Variants in MROH2B observed in about 807,000 individuals in gnomAD.
The protein encoded by MROH2B is maestro heat like repeat family member 2B, also known as maestro heat-like repeat-containing protein family member 2B.
A neutral mutation model predicts 208.6 loss-of-function variants in MROH2B; 177 were observed. The ratio of observed to expected loss-of-function variants is 0.85; its 90% CI spans 0.75 to 0.96. The LOEUF (loss-of-function observed/expected upper bound fraction) is 0.96, where lower values mean the gene tolerates loss of function less well. Among genes scored for constraint, MROH2B ranks in the 40% least tolerant of loss-of-function variants. MROH2B has a pLI of 0.00. For synonymous variants in MROH2B, 728 were observed against 659.0 expected (o/e 1.10, Z -1.60); for missense variants, 2,002 against 1,878.7 (o/e 1.07, Z -1.21).
chr5:41,015,600 G>T, intron 28 of MROH2B, 122 bp from the exon 29 acceptor site: 1 of 779,932 alleles, frequency 1.3e-6, no homozygotes, highest in African/African-American at 1.7e-5. Context: ...GAACATAAGC[G>T]CTAACACATA....
At chr5:41,028,130 A>G (rs1046894955) in intron 24 of MROH2B, among the ~76,000 whole-genome samples, 13 of 152,220 alleles carry the variant, frequency 8.5e-5, no homozygotes, top group Non-Finnish European at 1.8e-4. Flanking sequence ...TGGGATATGT[A>G]TACGTATGTA....
In MROH2B at chr5:41,025,871, G is replaced by T. The variant is rs936165955; in HGVS notation, c.2442-6853C>A. ...GTGGGCTTCATCCCAGGGATGCAAGGCTGGTTCAACATACACATATCAATA... is the reference window on the plus strand; with the variant it reads ...GTGGGCTTCATCCCAGGGATGCAAGTCTGGTTCAACATACACATATCAATA... On this transcript the variant is annotated intron_variant, in intron 24 of 41. Transcript: ENST00000399564. Among the ~76,000 whole-genome samples the T allele has an allele frequency of 3.9e-5, 6 of 152,292 alleles. No homozygotes were observed. The East Asian group carries it at 7.7e-4, about 20-fold the overall frequency.
Position 41,065,487 on chromosome 5 carries a change from G to C in MROH2B, c.205C>G (p.Leu69Val), listed in dbSNP as rs752755291. Residue 69 changes from leucine to valine, a missense_variant, in exon 4 of 42, where the codon CTC (leucine) becomes GTC (valine). By Grantham distance (32) the Leu-to-Val change is conservative. Transcript: ENST00000399564. ...ASKDMRDNNM[L>V]REIRMLAGEV... ...CCAGCTAGCATTCTGATTTCTCTGA[G>C]CATCTGAGGAGGAAAAGAAAAATAA... 1.2e-5 allele frequency: 19 copies of C among 1,612,042 alleles called. No individual in the cohort carries two copies. The South Asian group carries it at 2.1e-4, about 18-fold the overall frequency.
chr5:41,000,636 T>C, intron 38 of MROH2B, 42 bp downstream of exon 38: 2 of 1,577,136 alleles, frequency 1.3e-6, no homozygotes, highest in East Asian at 2.2e-5. Flanking sequence ...TTCTCAGCCA[T>C]GGGGAGAGCA....
chr5:41,012,651 A>G lies in MROH2B; in HGVS notation c.3067T>C (p.Cys1023Arg). The change falls in exon 30 of 42, where the codon TGT becomes CGT. Residue 1023 changes from cysteine to arginine, a missense_variant. By Grantham distance (180) the Cys-to-Arg change is radical. Coordinates refer to ENST00000399564, the MANE Select transcript of MROH2B (RefSeq NM_173489.5). Reference protein sequence around the residue: ...LDGLESLNPTCTKACGIWMIT... With the variant: ...LDGLESLNPTRTKACGIWMIT... ...ATCCATATGCCACAGGCCTTTGTAC[A>G]AGTGGGGTTGAGGCTCTCCAGACCG... 1 of 1,613,908 alleles carries G rather than the reference A, an allele frequency of 6.2e-7. No homozygotes were observed.
chr5:41,022,824 A>C (rs1020104884), intron 24 of MROH2B, among the ~76,000 whole-genome samples: 3 of 152,208 alleles, frequency 2.0e-5, no homozygotes, highest in African/African-American at 7.2e-5. Flanking sequence ...TCACACGATC[A>C]GGTACGCCTC....
At chr5:41,016,536 A>G (rs1579913496) in intron 28 of MROH2B, among the ~76,000 whole-genome samples, 1 of 98,712 alleles carries the variant, frequency 1.0e-5, no homozygotes, top group South Asian at 3.5e-4. Context: ...ACAGTCTCCC[A>G]GGTGTGATCT....
intron 18 of MROH2B, among the ~76,000 whole-genome samples, chr5:41,044,503 G>A (rs1215116477): frequency 1.3e-5 from 2 of 152,162 alleles, no homozygotes; most frequent in Non-Finnish European, 2.9e-5. Flanking sequence ...TACTGAAATT[G>A]CTCTGCCTAC....
At chr5:41,043,968 G>A (rs620319) in intron 18 of MROH2B, among the ~76,000 whole-genome samples, 116,556 of 151,826 alleles carry the variant, frequency 0.77, 45,507 homozygotes, top group Non-Finnish European at 0.85. Context: ...GGCAGGTTGC[G>A]GTGGCTCATG....
In MROH2B at chr5:41,069,625, A is replaced by C. The variant is rs1743920474; in HGVS notation, c.90+66T>G. 5 of 1,287,316 alleles carry C rather than the reference A, an allele frequency of 3.9e-6. No homozygotes were observed. In the Admixed American group the frequency reaches 1.1e-4, roughly 27 times the overall value. 79.7% of individuals were successfully genotyped at this position (1,287,316 alleles called of 1,614,324 possible). On this transcript the variant is annotated intron_variant, in intron 2 of 41. Coordinates refer to ENST00000399564, the MANE Select transcript of MROH2B (RefSeq NM_173489.5). Reference sequence around the variant, plus strand: ...AATGAGAAAGTTGAGACAAAGAAAAATATATACGAAATGTTGCAACAAGAA... The same window carrying C: ...AATGAGAAAGTTGAGACAAAGAAAACTATATACGAAATGTTGCAACAAGAA...
At chr5:41,036,438 T>C (rs1742762698) in intron 21 of MROH2B, among the ~76,000 whole-genome samples, 1 of 152,162 alleles carries the variant, frequency 6.6e-6, no homozygotes, top group Non-Finnish European at 1.5e-5. Flanking sequence ...TTTAAGTCCA[T>C]TAAACATTGT....
chr5:41,063,770 C>G (rs534115108), intron 5 of MROH2B, among the ~76,000 whole-genome samples: 57 of 152,282 alleles, frequency 3.7e-4, no homozygotes, highest in African/African-American at 1.3e-3. Context: ...GGCTCAGTGG[C>G]TGAGCAGAGA....
chr5:41,053,691 G>A (rs1177224889), intron 11 of MROH2B, among the ~76,000 whole-genome samples: 3 of 152,242 alleles, frequency 2.0e-5, no homozygotes, highest in East Asian at 3.9e-4. Flanking sequence ...CTTCCTCAAA[G>A]ATCTATGCTC....
At chr5:41,027,879 T>A (rs938731348) in intron 24 of MROH2B, among the ~76,000 whole-genome samples, 2 of 152,128 alleles carry the variant, frequency 1.3e-5, no homozygotes, top group African/African-American at 2.4e-5. Context: ...TGAGTTCATG[T>A]CCTTTGTAGG....
At chr5:41,058,800 A>C (rs1323714580) in intron 6 of MROH2B, among the ~76,000 whole-genome samples, 1 of 152,096 alleles carries the variant, frequency 6.6e-6, no homozygotes, top group Non-Finnish European at 1.5e-5. Flanking sequence ...TAATCTCAGC[A>C]CTTTGGGAGG....
At chr5:41,070,789 A>G in intron 1 of MROH2B, 36 bp downstream of exon 1, 1 of 1,602,702 alleles carries the variant, frequency 6.2e-7, no homozygotes, top group Non-Finnish European at 8.5e-7. Flanking sequence ...AAACACAGGG[A>G]AGAGCCTTGG....
chr5:41,015,793 C>G (rs1193121620), intron 28 of MROH2B, among the ~76,000 whole-genome samples: 5 of 152,196 alleles, frequency 3.3e-5, no homozygotes, highest in Non-Finnish European at 7.3e-5. Flanking sequence ...ATAGGAGAGT[C>G]TGAATTTCAA....
At chr5:41,065,222 A>G (rs1743764420) in intron 4 of MROH2B, 109 bp downstream of exon 4, 1 of 1,103,452 alleles carries the variant, frequency 9.1e-7, no homozygotes, top group Admixed American at 2.7e-5. Flanking sequence ...ATTTCTTGGT[A>G]CAGAAGAAGG....
chr5:41,010,440 G>A (rs1049229607), intron 30 of MROH2B, among the ~76,000 whole-genome samples: 1 of 152,092 alleles, frequency 6.6e-6, no homozygotes, highest in Non-Finnish European at 1.5e-5. Flanking sequence ...TATGGCAAAT[G>A]GTATACATGA....
Sources: allele counts gnomAD v4.1 joint callset (sites outside exome capture counted in the v4.1 genomes callset), GRCh38; gene constraint gnomAD v4.1.1; transcripts MANE v1.5; gene names NCBI Gene and HGNC (gene_info 2026-07-23, HGNC 2026-07-21).